Variants in TRRAP observed in about 807,000 individuals in gnomAD.
The protein encoded by TRRAP is transformation/transcription domain associated protein.
TRRAP carries 41 observed loss-of-function variants against 438.8 expected under a neutral mutation model. The observed-to-expected ratio is 0.09, with a 90% CI of 0.07 to 0.12. The LOEUF is 0.12. Ranked by LOEUF, TRRAP falls within the 10% of genes least tolerant of loss-of-function variation. The probability of loss-of-function intolerance (pLI) is 1.00; values close to 1 mark genes in which losing one functional copy is unlikely to be tolerated. For missense variants in TRRAP, 3,122 were observed against 5,055.1 expected (o/e 0.62, Z 11.60); for synonymous variants, 1,994 against 1,962.9 (o/e 1.02, Z -0.42).
At chr7:98,958,574 G>A (rs1457889424) in intron 44 of TRRAP, among the ~76,000 whole-genome samples, 1 of 152,096 alleles carries the variant, frequency 6.6e-6, no homozygotes, top group Non-Finnish European at 1.5e-5. Flanking sequence ...TGCTGGGATT[G>A]CAGGCATGAG....
At position 98,931,561 on chromosome 7, in the gene TRRAP, A is replaced by T. The variant is rs782620739; in HGVS notation, c.3748A>T (p.Thr1250Ser). 1 of 1,613,944 alleles carries T rather than the reference A, an allele frequency of 6.2e-7. No homozygotes were observed. Among genetic ancestry groups the T allele is most frequent in the Non-Finnish European group, 8.5e-7 (1 of 1,180,018 alleles). The change falls in exon 26 of 73, where the codon ACC becomes TCC. Residue 1250 changes from threonine to serine, a missense_variant. Physicochemically the swap from Thr to Ser is moderately conservative, Grantham distance 58. Around this residue, in one of 24 missense-constraint regions of TRRAP, gnomAD observed 153 missense variants for 223.0 expected, o/e 0.69. Transcript: ENST00000456197. Reference protein sequence around the residue: ...HVTHDLVREVTSPNSTVRKQA... With the variant: ...HVTHDLVREVSSPNSTVRKQA... ...GACACACGACTTGGTTCGAGAAGTCACCTCTCCAAACTCCACTGTGAGGAA... is the reference window on the plus strand; with the variant it reads ...GACACACGACTTGGTTCGAGAAGTCTCCTCTCCAAACTCCACTGTGAGGAA...
In TRRAP at chr7:99,005,439, C is replaced by T. The variant is rs891155537; in HGVS notation, c.10753+91C>T. 7.1e-6 allele frequency: 9 copies of T among 1,274,578 alleles called. No individual in the cohort carries two copies. The highest frequency in any genetic ancestry group is 1.8e-5 in the Admixed American group (1 of 56,216). The allele number at this position is 1,274,578 out of a possible 1,614,324, so 79.0% of individuals were successfully genotyped here. Reference sequence around the variant, plus strand: ...CCTCGTGGGGTGCACAGGCAGCTCACGTTAGCCTTTGAGGGTCCAGCTGCG... The same window carrying T: ...CCTCGTGGGGTGCACAGGCAGCTCATGTTAGCCTTTGAGGGTCCAGCTGCG... On this transcript the variant is annotated intron_variant, in intron 69 of 72. Transcript: ENST00000456197. The surrounding 1 kb of genome is among the most constrained non-coding windows in gnomAD (Gnocchi z 5.1).
intron 67 of TRRAP, chr7:98,998,590 C>A: frequency 5.9e-6 from 1 of 170,534 alleles, no homozygotes. Flanking sequence ...ATGAAACAGC[C>A]GGTTACAACA....
chr7:98,931,786 G>A (rs1401895017), intron 26 of TRRAP, 121 bp downstream of exon 26: 2 of 1,383,884 alleles, frequency 1.4e-6, no homozygotes, highest in Non-Finnish European at 1.9e-6. Flanking sequence ...TGGGGCCTTG[G>A]TTCCAGGACC....
chr7:98,993,772 T>C, intron 66 of TRRAP, 35 bp downstream of exon 66: 1 of 1,604,844 alleles, frequency 6.2e-7, no homozygotes, highest in East Asian at 2.2e-5. Context: ...GGTGGCTCCT[T>C]GTAGAGGGGA....
intron 40 of TRRAP, among the ~76,000 whole-genome samples, chr7:98,954,022 G>A (rs1791472286): frequency 6.6e-6 from 1 of 152,230 alleles, no homozygotes; most frequent in Non-Finnish European, 1.5e-5. Flanking sequence ...CATGGCAGAT[G>A]TTATAATATT....
Position 98,948,472 on chromosome 7 carries a change from A to C in TRRAP, c.4669-94A>C. ...TGTCAACATTTGCTTGTGGGTGTTCATGCACTCCAGTAACAAGGGACCTTG... is the reference window on the plus strand; with the variant it reads ...TGTCAACATTTGCTTGTGGGTGTTCCTGCACTCCAGTAACAAGGGACCTTG... On this transcript the variant is annotated intron_variant, in intron 34 of 72. Coordinates refer to ENST00000456197, the MANE Select transcript of TRRAP (RefSeq NM_001375524.1). This position sits in a 1 kb window ranked among gnomAD's most constrained non-coding sequence, Gnocchi z 4.9. 6.2e-7 allele frequency: 1 copy of C among 1,611,458 alleles called. No homozygotes were observed. Among genetic ancestry groups the C allele is most frequent in the Non-Finnish European group, 8.5e-7 (1 of 1,178,942 alleles).
At chr7:98,910,872 G>T (rs557956403) in intron 16 of TRRAP, among the ~76,000 whole-genome samples, 4 of 151,800 alleles carry the variant, frequency 2.6e-5, no homozygotes, top group Admixed American at 6.6e-5. Flanking sequence ...TTTTTTCATG[G>T]TCTGAACACC....
At position 98,994,522 on chromosome 7, in the gene TRRAP, T is replaced by G; in HGVS notation, c.10048-65T>G. 6.2e-7 allele frequency: 1 copy of G among 1,601,678 alleles called. No homozygotes were observed. Among genetic ancestry groups the G allele is most frequent in the Non-Finnish European group, 8.5e-7 (1 of 1,173,584 alleles). On this transcript the variant is annotated intron_variant, in intron 66 of 72. Transcript: ENST00000456197. This position sits in a 1 kb window ranked among gnomAD's most constrained non-coding sequence, Gnocchi z 4.8. ...TGGGAGGGCCGCACTCAATAGGCGC[T>G]TTTGGCTGCTGGTTCTGGAGTGGAG...
chr7:98,937,528 A>G, intron 29 of TRRAP, 122 bp from the exon 30 acceptor site: 1 of 1,179,572 alleles, frequency 8.5e-7, no homozygotes. Flanking sequence ...ATAGTATATG[A>G]TTAATATTCC....
At position 99,012,129 on chromosome 7, in the gene TRRAP, C is replaced by T; in HGVS notation, c.11396C>T (p.Thr3799Ile). 6.2e-7 allele frequency: 1 copy of T among 1,614,224 alleles called. No homozygotes were observed. Among genetic ancestry groups the T allele is most frequent in the Non-Finnish European group, 8.5e-7 (1 of 1,180,034 alleles). ...RDEIIAWHKK[T>I]QEDTSSPLSA... ...GAGATCATTGCTTGGCACAAAAAAA[C>T]ACAAGAGGACACGTCCTCTCCTCTC... The change falls in exon 73 of 73, where the codon ACA (threonine) becomes ATA (isoleucine). Residue 3799 changes from threonine to isoleucine, a missense_variant. Physicochemically the swap from Thr to Ile is moderately conservative, Grantham distance 89. Coordinates refer to ENST00000456197, the MANE Select transcript of TRRAP (RefSeq NM_001375524.1). This position sits in a 1 kb window ranked among gnomAD's most constrained non-coding sequence, Gnocchi z 5.9.
chr7:98,952,501 T>C (rs1791387765), intron 39 of TRRAP, among the ~76,000 whole-genome samples: 1 of 152,252 alleles, frequency 6.6e-6, no homozygotes, highest in Admixed American at 6.5e-5. Flanking sequence ...CTCTTAAGCC[T>C]GCCCTATTTT....
chr7:99,002,639 G>C (rs73161949), intron 67 of TRRAP, among the ~76,000 whole-genome samples: 4,158 of 152,234 alleles, frequency 0.027, 83 homozygotes, highest in South Asian at 0.054. Flanking sequence ...CCACCTGCCT[G>C]TGTGGAGTCC....
At position 98,988,858 on chromosome 7, in the gene TRRAP, C is replaced by T. The variant is rs55713090; in HGVS notation, c.9483C>T (p.Asn3161=). 31 of 1,614,232 alleles carry T rather than the reference C, an allele frequency of 1.9e-5. 1 individual carries two copies. In the East Asian group the frequency reaches 4.0e-4, roughly 21 times the overall value. ...AWAMWGDYLE[N]IFVKERQLHL... is the part of the protein sequence containing the mutation. ...CCATGTGGGGCGACTACCTGGAGAACATCTTTGTGAAGGAGCGGCAGCTGC... is the reference window on the plus strand; with the variant it reads ...CCATGTGGGGCGACTACCTGGAGAATATCTTTGTGAAGGAGCGGCAGCTGC... Residue 3161 remains asparagine, a synonymous_variant, in exon 63 of 73, where the codon AAC becomes AAT. Coordinates refer to ENST00000456197, the MANE Select transcript of TRRAP (RefSeq NM_001375524.1).
chr7:98,941,032 C>G (rs988310378), intron 30 of TRRAP, among the ~76,000 whole-genome samples: 1 of 152,136 alleles, frequency 6.6e-6, no homozygotes. Flanking sequence ...TTAGCTCTTA[C>G]ATTTAGGTCT....
chr7:98,972,044 C>A, intron 53 of TRRAP, 99 bp downstream of exon 53: 1 of 1,458,074 alleles, frequency 6.9e-7, no homozygotes, highest in South Asian at 1.5e-5. Flanking sequence ...TTTTCTGTTT[C>A]TTTTCTTTTT....
chr7:98,909,787 C>T (rs557641853), intron 14 of TRRAP, among the ~76,000 whole-genome samples: 4 of 29,184 alleles, frequency 1.4e-4, no homozygotes, highest in Admixed American at 5.5e-4. Flanking sequence ...GGGAGTAAAT[C>T]GGCACCTTTT....
Position 99,005,351 on chromosome 7 carries a change from A to AG in TRRAP, c.10753+6dup. The AG allele has an allele frequency of 6.2e-7, 1 of 1,613,726 alleles. No individual in the cohort carries two copies. Among genetic ancestry groups the AG allele is most frequent in the South Asian group, 1.1e-5 (1 of 91,042 alleles). On this transcript the variant is annotated splice_donor_region_variant and intron_variant, in intron 69 of 72. Transcript: ENST00000456197. This position sits in a 1 kb window ranked among gnomAD's most constrained non-coding sequence, Gnocchi z 5.1. Reference sequence around the variant, plus strand: ...CAAGAGGCACTTGTTTTTCACAGGTAGGGTTGAGAGCCACAGCTCGCTGGG... The same window carrying AG: ...CAAGAGGCACTTGTTTTTCACAGGTAGGGGTTGAGAGCCACAGCTCGCTGGG...
At chr7:98,881,528 C>T (rs1047828131) in intron 2 of TRRAP, 11 of 269,306 alleles carry the variant, frequency 4.1e-5, no homozygotes, top group Admixed American at 3.2e-4. Context: ...GCTGAGATCG[C>T]ACCACTGCAC....
Sources: allele counts gnomAD v4.1 joint callset (sites outside exome capture counted in the v4.1 genomes callset), GRCh38; gene constraint gnomAD v4.1.1; regional missense constraint gnomAD v4.1.1; non-coding constraint Gnocchi (gnomAD v3.1); transcripts MANE v1.5; gene names NCBI Gene and HGNC (gene_info 2026-07-23, HGNC 2026-07-21).